The following DLG2 variants were observed in gnomAD, a reference collection of about 807,000 sequenced individuals.
DLG2 encodes disks large homolog 2.
Under a neutral mutation model 132.5 loss-of-function variants are expected in DLG2, and 45 were observed. The ratio of observed to expected loss-of-function variants is 0.34; its 90% CI spans 0.27 to 0.44. The LOEUF (loss-of-function observed/expected upper bound fraction) is 0.44. Among genes scored for constraint, DLG2 ranks in the 20% least tolerant of loss-of-function variants. DLG2 has a pLI of 1.00. For synonymous variants in DLG2, 424 were observed against 419.6 expected, an observed-to-expected ratio of 1.01 and a Z score of -0.13; for missense variants, 1,045 against 1,196.9, an observed-to-expected ratio of 0.87 and a Z score of 1.87.
chr11:85,300,398 C>A (rs1362471107), intron 3 of DLG2, among the ~76,000 whole-genome samples: 2 of 152,108 alleles, frequency 1.3e-5, no homozygotes, highest in Non-Finnish European at 2.9e-5. Flanking sequence ...ACTGCCCCTC[C>A]AACTCCTCAG....
At chr11:83,544,422 A>G (rs2096179067) in intron 19 of DLG2, among the ~76,000 whole-genome samples, 1 of 152,176 alleles carries the variant, frequency 6.6e-6, no homozygotes, top group Admixed American at 6.5e-5. Context: ...TATGACAGAC[A>G]TAGTACTATC....
intron 6 of DLG2, among the ~76,000 whole-genome samples, chr11:84,891,187 T>C (rs2089322778): frequency 6.6e-6 from 1 of 152,146 alleles, no homozygotes; most frequent in African/African-American, 2.4e-5. Flanking sequence ...GTTTTAAATA[T>C]GCTACATTTT....
intron 6 of DLG2, chr11:84,640,122 G>T: frequency 3.2e-6 from 1 of 311,476 alleles, no homozygotes; most frequent in South Asian, 3.4e-5. Context: ...TATCAATGTA[G>T]AACTCAGTCT....
chr11:85,249,055 TATTAAAA>T (rs1290015824), intron 4 of DLG2, among the ~76,000 whole-genome samples: 1 of 152,072 alleles, frequency 6.6e-6, no homozygotes, highest in African/African-American at 2.4e-5. Context: ...CCACTATAAG[TATTAAAA>T]AATCTTTTTC....
At chr11:84,654,663 C>A (rs2099686052) in intron 6 of DLG2, among the ~76,000 whole-genome samples, 1 of 152,182 alleles carries the variant, frequency 6.6e-6, no homozygotes, top group African/African-American at 2.4e-5. Flanking sequence ...CTCTAGCTGG[C>A]TGGTATGTTC....
chr11:84,588,403 C>T (rs2099534884), intron 6 of DLG2, among the ~76,000 whole-genome samples: 1 of 152,080 alleles, frequency 6.6e-6, no homozygotes. Context: ...ATGATGGTGG[C>T]AAGATAATTA....
At chr11:84,465,174 CT>C (rs2099090859) in intron 7 of DLG2, among the ~76,000 whole-genome samples, 1 of 151,186 alleles carries the variant, frequency 6.6e-6, no homozygotes, top group Non-Finnish European at 1.5e-5. Context: ...ACTCAGAGTT[CT>C]TTTGTGCAAC....
intron 3 of DLG2, among the ~76,000 whole-genome samples, chr11:85,458,539 T>C (rs1220497174): frequency 6.6e-6 from 1 of 152,230 alleles, no homozygotes; most frequent in African/African-American, 2.4e-5. Context: ...CTGGTTCTTT[T>C]TCATCTGTGT....
chr11:84,863,747 G>T (rs1454037859), intron 6 of DLG2, among the ~76,000 whole-genome samples: 1 of 152,118 alleles, frequency 6.6e-6, no homozygotes, highest in African/African-American at 2.4e-5. Flanking sequence ...GATGACTGTG[G>T]TAAAAGAAAT....
intron 3 of DLG2, among the ~76,000 whole-genome samples, chr11:85,465,122 A>AAAAAAAAAAAAAAAG (rs2092740718): frequency 1.6e-5 from 2 of 123,898 alleles, no homozygotes; most frequent in African/African-American, 2.9e-5. Flanking sequence ...AAAAAAAAGA[A>AAAAAAAAAAAAAAAG]GCAAGATGGA....
chr11:85,581,701 C>T (rs1280479618), intron 3 of DLG2, among the ~76,000 whole-genome samples: 1 of 152,074 alleles, frequency 6.6e-6, no homozygotes, highest in Non-Finnish European at 1.5e-5. Context: ...GATATTCTAA[C>T]CAGGTGGAAC....
chr11:85,174,960 T>C (rs117071740), intron 4 of DLG2, among the ~76,000 whole-genome samples: 2,955 of 152,120 alleles, frequency 0.019, 57 homozygotes, highest in Admixed American at 0.037. Flanking sequence ...AGTTCTGAAA[T>C]TGAGGAAGGA....
chr11:84,195,961 C>G (rs904287426), intron 8 of DLG2, among the ~76,000 whole-genome samples: 4 of 152,122 alleles, frequency 2.6e-5, no homozygotes, highest in Non-Finnish European at 4.4e-5. Context: ...ACTGGACCAA[C>G]AATGTATACA....
intron 6 of DLG2, among the ~76,000 whole-genome samples, chr11:84,545,957 T>C (rs573070191): frequency 6.6e-6 from 1 of 152,246 alleles, no homozygotes; most frequent in Non-Finnish European, 1.5e-5. Flanking sequence ...GGTTTCGCCA[T>C]GTTGGCCAGG....
chr11:85,557,524 C>T (rs1218558150), intron 3 of DLG2, among the ~76,000 whole-genome samples: 2 of 151,624 alleles, frequency 1.3e-5, no homozygotes, highest in Admixed American at 1.3e-4. Context: ...AAGAACAATG[C>T]CAGAGTCATC....
At chr11:83,895,984 T>C (rs1182856895) in intron 15 of DLG2, among the ~76,000 whole-genome samples, 1 of 152,166 alleles carries the variant, frequency 6.6e-6, no homozygotes, top group African/African-American at 2.4e-5. Flanking sequence ...GCAAAAATAC[T>C]CACTTTTATC....
At chr11:83,781,176 T>G (rs1346775788) in intron 18 of DLG2, among the ~76,000 whole-genome samples, 1 of 152,224 alleles carries the variant, frequency 6.6e-6, no homozygotes, top group East Asian at 1.9e-4. Flanking sequence ...TTTTAGATCT[T>G]TGTTCAAATA....
chr11:84,861,640 C>CAAAAAAAAAAAAAAAAAAAAAAAAAA (rs1248486704), intron 6 of DLG2, among the ~76,000 whole-genome samples: 1 of 75,676 alleles, frequency 1.3e-5, no homozygotes, highest in Non-Finnish European at 2.3e-5. Context: ...AAAAAAAAAA[C>CAAAAAAAAAAAAAAAAAAAAAAAAAA]AAAAAAAAAA....
intron 7 of DLG2, among the ~76,000 whole-genome samples, chr11:84,326,748 C>T (rs188982374): frequency 5.7e-4 from 87 of 152,266 alleles, no homozygotes; most frequent in African/African-American, 2.0e-3. Context: ...TCTATAATGT[C>T]ATTCAAGTCC....
Sources: allele counts gnomAD v4.1 joint callset (sites outside exome capture counted in the v4.1 genomes callset), GRCh38; gene constraint gnomAD v4.1.1; transcripts MANE v1.5; gene names NCBI Gene and HGNC (gene_info 2026-07-23, HGNC 2026-07-21).